GPHN: variants seen among roughly 807,000 people sequenced by gnomAD.
GPHN encodes gephyrin.
In GPHN, 17 loss-of-function variants were observed where a neutral mutation model predicts 95.5. That is an observed-to-expected ratio of 0.18 (90% confidence interval 0.12 to 0.27). The LOEUF is 0.27. GPHN is among the 10% of genes least tolerant of loss of function. The pLI, the probability that GPHN is intolerant of heterozygous loss-of-function variation, is 1.00. For synonymous variants in GPHN, 320 were observed against 322.5 expected, an observed-to-expected ratio of 0.99 and a Z score of 0.08; for missense variants, 660 against 978.1, an observed-to-expected ratio of 0.67 and a Z score of 4.34.
At chr14:67,572,387 A>T in the GPHN span, 4 of 311,830 alleles carry the variant, frequency 1.3e-5, no homozygotes, top group Non-Finnish European at 1.5e-5. Context: ...GGGTCCCTAG[A>T]GCTGGGGGAT....
chr14:67,164,657 A>G (rs1321355128), intron 19 of GPHN, among the ~76,000 whole-genome samples: 1 of 151,886 alleles, frequency 6.6e-6, no homozygotes, highest in Admixed American at 6.6e-5. Flanking sequence ...ATGCCTGGCA[A>G]ATTTTTGTAT....
chr14:67,645,582 G>A, the GPHN span: 3 of 1,562,508 alleles, frequency 1.9e-6, no homozygotes, highest in Non-Finnish European at 2.6e-6. Flanking sequence ...GGCTGAGGAC[G>A]TTTGTTATCG....
chr14:66,884,407 C>G (rs914500101), intron 5 of GPHN, among the ~76,000 whole-genome samples: 4 of 152,050 alleles, frequency 2.6e-5, no homozygotes. Flanking sequence ...CACCAAAGAA[C>G]AAGTGTTCAA....
chr14:67,034,010 G>A (rs7145295), intron 10 of GPHN, among the ~76,000 whole-genome samples: 50,507 of 151,996 alleles, frequency 0.33, 13,518 homozygotes, highest in African/African-American at 0.72. Context: ...AGACTTTCCC[G>A]GGCAAACAAA....
At chr14:66,814,400 C>T (rs1291371096) in intron 3 of GPHN, among the ~76,000 whole-genome samples, 4 of 152,154 alleles carry the variant, frequency 2.6e-5, no homozygotes, top group African/African-American at 9.7e-5. Context: ...GGGAGGCAGG[C>T]ACCCCTGCAT....
At chr14:67,332,277 A>G in the GPHN span, among the ~76,000 whole-genome samples, 2 of 152,298 alleles carry the variant, frequency 1.3e-5, no homozygotes, top group Admixed American at 6.5e-5. Context: ...AGGCTACTCT[A>G]TATAGTTTCC....
At chr14:67,657,583 A>AGCAC in the GPHN span, among the ~76,000 whole-genome samples, 1 of 146,462 alleles carries the variant, frequency 6.8e-6, no homozygotes, top group African/African-American at 2.6e-5. Flanking sequence ...AGCTGTTCAA[A>AGCAC]GCACGCGCGC....
At chr14:67,231,657 C>A in the GPHN span, among the ~76,000 whole-genome samples, 1 of 152,002 alleles carries the variant, frequency 6.6e-6, no homozygotes, top group Non-Finnish European at 1.5e-5. Flanking sequence ...AAATAGGTGC[C>A]TTTTTTGCAT....
the GPHN span, among the ~76,000 whole-genome samples, chr14:67,678,990 A>G: frequency 3.0e-4 from 46 of 152,360 alleles, 1 homozygote; most frequent in African/African-American, 1.1e-3. Flanking sequence ...GTCTTGGTCC[A>G]TTTTGTGGTA....
the GPHN span, among the ~76,000 whole-genome samples, chr14:67,262,784 C>T: frequency 7.2e-5 from 11 of 152,106 alleles, no homozygotes; most frequent in Non-Finnish European, 1.2e-4. Flanking sequence ...CTATCTCTTA[C>T]GGTGGCTCTG....
chr14:66,683,696 G>T (rs533164380), intron 2 of GPHN, among the ~76,000 whole-genome samples: 1 of 150,316 alleles, frequency 6.7e-6, no homozygotes, highest in South Asian at 2.1e-4. Flanking sequence ...AAATCTCTTC[G>T]GCCAGGCACA....
intron 4 of GPHN, among the ~76,000 whole-genome samples, chr14:66,874,729 A>T (rs928281062): frequency 9.9e-5 from 15 of 152,190 alleles, no homozygotes; most frequent in African/African-American, 3.6e-4. Context: ...AAAGGAATGA[A>T]CAGAGCCTCC....
the GPHN span, chr14:67,390,794 CCT>C: frequency 3.2e-6 from 4 of 1,266,398 alleles, no homozygotes; most frequent in South Asian, 4.8e-5. Context: ...GCTGCATGTC[CCT>C]CTCTCCTGTA....
the GPHN span, among the ~76,000 whole-genome samples, chr14:67,374,967 A>G: frequency 6.6e-6 from 1 of 152,208 alleles, no homozygotes; most frequent in African/African-American, 2.4e-5. Flanking sequence ...ACCAGCTGTT[A>G]TATGTTAAGA....
At chr14:66,518,361 A>G (rs947132796) in intron 1 of GPHN, among the ~76,000 whole-genome samples, 1 of 152,148 alleles carries the variant, frequency 6.6e-6, no homozygotes, top group Non-Finnish European at 1.5e-5. Flanking sequence ...GGATGTAGAG[A>G]AAAGGGACCT....
chr14:67,703,366 G>C, the GPHN span, among the ~76,000 whole-genome samples: 1 of 152,166 alleles, frequency 6.6e-6, no homozygotes, highest in African/African-American at 2.4e-5. Flanking sequence ...AATGAGTTTA[G>C]AGTTAGGTTT....
chr14:66,811,657 A>C (rs979563334), intron 3 of GPHN, among the ~76,000 whole-genome samples: 28 of 152,178 alleles, frequency 1.8e-4, no homozygotes, highest in Admixed American at 7.2e-4. Context: ...CAGATGATAC[A>C]TTTAATTAAA....
intron 2 of GPHN, among the ~76,000 whole-genome samples, chr14:66,758,422 T>C (rs981592553): frequency 2.0e-5 from 3 of 152,192 alleles, no homozygotes; most frequent in Admixed American, 2.0e-4. Context: ...TAGAGGGCAC[T>C]GTTTGGGGAA....
At chr14:67,129,083 G>C (rs1431964041) in intron 17 of GPHN, among the ~76,000 whole-genome samples, 2 of 151,544 alleles carry the variant, frequency 1.3e-5, no homozygotes, top group Non-Finnish European at 2.9e-5. Context: ...CAAAGTGCTG[G>C]GATAAAAGGT....
Sources: gnomAD v4.1 joint callset for allele counts (sites outside exome capture counted in the v4.1 genomes callset) on GRCh38, gnomAD v4.1.1 for gene constraint, MANE v1.5 for transcripts, NCBI Gene and HGNC (gene_info 2026-07-23, HGNC 2026-07-21) for gene names.